The following CACNA1A variants were observed in gnomAD, a reference collection of about 807,000 sequenced individuals.
The protein encoded by CACNA1A is calcium voltage-gated channel subunit alpha1 A.
In CACNA1A, 57 loss-of-function variants were observed where a neutral mutation model predicts 262.4. The observed-to-expected ratio is 0.22, with a 90% CI of 0.18 to 0.27. The LOEUF (loss-of-function observed/expected upper bound fraction) is 0.27. CACNA1A is among the 10% of genes least tolerant of loss of function. The pLI is 1.00. For missense variants in CACNA1A, 2,526 were observed against 3,562.8 expected, an observed-to-expected ratio of 0.71 and a Z score of 7.41; for synonymous variants, 1,431 against 1,419.3, an observed-to-expected ratio of 1.01 and a Z score of -0.18.
intron 10 of CACNA1A, among the ~76,000 whole-genome samples, chr19:13,327,866 C>T (rs2058391495): frequency 6.6e-6 from 1 of 152,120 alleles, no homozygotes. Flanking sequence ...AGCCACCGCG[C>T]CCGGCCAGCA....
rs2056664612 is a variant in CACNA1A at position 13,259,343 on chromosome 19, G to GTTTTTTTTTTTT, written c.4388+220_4388+221insAAAAAAAAAAAA. On this transcript the variant is annotated intron_variant, in intron 27 of 46. Transcript: ENST00000360228. ...TTTTTTTTTTTTTTTTTTTTTTTTT[G>GTTTTTTTTTTTT]GGATTTTTAGTAGAAATGGAGTTTT... 2 of 79,844 alleles carry GTTTTTTTTTTTT rather than the reference G, an allele frequency of 2.5e-5. 1 individual carries two copies. Among genetic ancestry groups the GTTTTTTTTTTTT allele is most frequent in the Non-Finnish European group, 4.5e-5 (2 of 44,174 alleles). The allele number at this position is 79,844 out of a possible 1,614,324, so 4.9% of individuals were successfully genotyped here.
intron 3 of CACNA1A, among the ~76,000 whole-genome samples, chr19:13,376,423 T>C (rs2059404836): frequency 6.6e-6 from 1 of 152,036 alleles, no homozygotes; most frequent in African/African-American, 2.4e-5. Context: ...AGAATTATGC[T>C]GAATCTACTC....
intron 30 of CACNA1A, among the ~76,000 whole-genome samples, chr19:13,248,339 G>T (rs1001628236): frequency 8.2e-5 from 12 of 147,038 alleles, no homozygotes; most frequent in Non-Finnish European, 1.2e-4. Flanking sequence ...ACTTTGGGAG[G>T]CCAAGGAGGG....
chr19:13,490,330 C>T (rs527874207), intron 1 of CACNA1A, among the ~76,000 whole-genome samples: 4 of 152,148 alleles, frequency 2.6e-5, no homozygotes, highest in Admixed American at 6.5e-5. Context: ...CTAGCCCAGG[C>T]GTGGTAGCTC....
At position 13,365,670 on chromosome 19, in the gene CACNA1A, G is replaced by GT. The variant is rs34216609; in HGVS notation, c.632-202dup. ...TTATCATGGGAACAACACTTCCTAGGTTTTTTTTTTCCTTTGAGACAGGGT... is the reference window on the plus strand; with the variant it reads ...TTATCATGGGAACAACACTTCCTAGGTTTTTTTTTTTCCTTTGAGACAGGGT... On this transcript the variant is annotated intron_variant, in intron 4 of 46. Transcript: ENST00000360228. The GT allele has an allele frequency of 0.25, 111,346 of 451,268 alleles. 8,807 individuals carry two copies. The highest frequency in any genetic ancestry group is 0.29 in the Non-Finnish European group (73,378 of 251,106). 28.0% of individuals were successfully genotyped at this position (451,268 alleles called of 1,614,324 possible).
At chr19:13,434,432 G>A (rs185553972) in intron 3 of CACNA1A, among the ~76,000 whole-genome samples, 95 of 152,276 alleles carry the variant, frequency 6.2e-4, no homozygotes, top group Non-Finnish European at 1.1e-3. Flanking sequence ...GTGTCTGTCC[G>A]CAACCAAATC....
chr19:13,500,445 ATCTT>A (rs1982244282), intron 1 of CACNA1A, among the ~76,000 whole-genome samples: 1 of 152,056 alleles, frequency 6.6e-6, no homozygotes, highest in Non-Finnish European at 1.5e-5. Context: ...GACATCCTTA[ATCTT>A]TCTTATTTCT....
chr19:13,505,554 C>T (rs1381422106), intron 1 of CACNA1A, among the ~76,000 whole-genome samples: 1 of 152,144 alleles, frequency 6.6e-6, no homozygotes, highest in African/African-American at 2.4e-5. Context: ...CAGAAGCGCC[C>T]AGGCCCGAGC....
chr19:13,332,842 C>A, intron 9 of CACNA1A, 27 bp downstream of exon 9: 1 of 1,559,362 alleles, frequency 6.4e-7, no homozygotes, highest in Non-Finnish European at 8.8e-7. Flanking sequence ...CTGGGACCCA[C>A]CCCTGAGGTG....
chr19:13,306,938 T>C (rs985392241), intron 15 of CACNA1A, among the ~76,000 whole-genome samples: 1 of 152,028 alleles, frequency 6.6e-6, no homozygotes, highest in East Asian at 1.9e-4. Flanking sequence ...GTGTGCTCCT[T>C]CTCTGAGGAT....
intron 3 of CACNA1A, among the ~76,000 whole-genome samples, chr19:13,382,139 A>C (rs1031172804): frequency 2.0e-5 from 3 of 152,084 alleles, no homozygotes; most frequent in African/African-American, 7.2e-5. Context: ...CCAATGAGTG[A>C]GTGAGAGATT....
intron 3 of CACNA1A, among the ~76,000 whole-genome samples, chr19:13,416,223 C>T (rs1170078639): frequency 6.6e-6 from 1 of 152,126 alleles, no homozygotes; most frequent in African/African-American, 2.4e-5. Context: ...GCCTCATCCT[C>T]CCGAGTAGCT....
At chr19:13,405,185 C>T (rs544478749) in intron 3 of CACNA1A, among the ~76,000 whole-genome samples, 1 of 150,148 alleles carries the variant, frequency 6.7e-6, no homozygotes, top group Non-Finnish European at 1.5e-5. Context: ...TATGAGCCAG[C>T]GCGCCCGGCC....
intron 19 of CACNA1A, among the ~76,000 whole-genome samples, chr19:13,293,437 A>ATTT (rs2057588183): frequency 1.6e-5 from 2 of 124,902 alleles, no homozygotes; most frequent in African/African-American, 2.7e-5. Flanking sequence ...ACTCAGTTAA[A>ATTT]TCTTTTTTTT....
chr19:13,264,976 G>A lies in CACNA1A; in HGVS notation c.3990-2143C>T, dbSNP rs181847092. ...TGCAACCTCTGCCTCCTGGGTTCAA[G>A]TGATTCTCCCACCTCAGCCTCCCGA... On this transcript the variant is annotated intron_variant, in intron 24 of 46. Transcript: ENST00000360228. Among the ~76,000 whole-genome samples the A allele has an allele frequency of 4.6e-5, 7 of 151,576 alleles. No homozygotes were observed. In the East Asian group the frequency reaches 1.4e-3, roughly 29 times the overall value.
intron 3 of CACNA1A, among the ~76,000 whole-genome samples, chr19:13,426,648 C>A (rs117070425): frequency 6.6e-6 from 1 of 152,246 alleles, no homozygotes; most frequent in East Asian, 1.9e-4. Flanking sequence ...ACATAGTGGG[C>A]GTGGTTAATA....
At position 13,387,731 on chromosome 19, in the gene CACNA1A, A is replaced by C. The variant is rs1599344949; in HGVS notation, c.540-15952T>G. On this transcript the variant is annotated intron_variant, in intron 3 of 46. Coordinates refer to ENST00000360228, the MANE Select transcript of CACNA1A (RefSeq NM_001127222.2). ...CTGGGGCTGGAGAGACCTCATGAAG[A>C]GAAGTGAGGTTACCAGTTGAGAAGT... is the stretch of plus-strand genomic sequence containing the variant. Among the ~76,000 whole-genome samples the C allele has an allele frequency of 4.6e-5, 7 of 152,320 alleles. 1 individual carries two copies. Among genetic ancestry groups the C allele is most frequent in the Admixed American group, 4.6e-4 (7 of 15,288 alleles).
At chr19:13,462,522 C>A (rs534867213) in intron 1 of CACNA1A, among the ~76,000 whole-genome samples, 1 of 152,216 alleles carries the variant, frequency 6.6e-6, no homozygotes, top group Non-Finnish European at 1.5e-5. Context: ...ACAAGCACAG[C>A]GACCATAATT....
intron 6 of CACNA1A, among the ~76,000 whole-genome samples, chr19:13,349,184 T>A (rs899339769): frequency 2.0e-5 from 3 of 152,118 alleles, no homozygotes; most frequent in Non-Finnish European, 4.4e-5. Flanking sequence ...CGTTTCCTCA[T>A]CTGGAAGATG....
Sources: allele counts gnomAD v4.1 joint callset (sites outside exome capture counted in the v4.1 genomes callset), GRCh38; gene constraint gnomAD v4.1.1; transcripts MANE v1.5; gene names NCBI Gene and HGNC (gene_info 2026-07-23, HGNC 2026-07-21).